The following HSD17B3 variants were observed in gnomAD, a reference collection of about 807,000 sequenced individuals.
HSD17B3 encodes the protein 17-beta-hydroxysteroid dehydrogenase type 3.
In HSD17B3, 29 loss-of-function variants were observed where a neutral mutation model predicts 41.1. The observed-to-expected ratio is 0.71, with a 90% CI of 0.53 to 0.96. The LOEUF is 0.96. HSD17B3 is among the 40% of genes least tolerant of loss of function. The pLI is 0.00. For synonymous variants in HSD17B3, 126 were observed against 145.6 expected (o/e 0.87, Z 0.97); for missense variants, 323 against 374.6 (o/e 0.86, Z 1.14).
At chr9:96,241,401 TA>T (rs1836434049) in intron 9 of HSD17B3, among the ~76,000 whole-genome samples, 2 of 152,350 alleles carry the variant, frequency 1.3e-5, no homozygotes, top group African/African-American at 4.8e-5. Context: ...CTAATACATA[TA>T]ACCAAAGTTG....
intron 2 of HSD17B3, among the ~76,000 whole-genome samples, chr9:96,271,733 T>C (rs1410582335): frequency 1.3e-5 from 2 of 151,886 alleles, no homozygotes; most frequent in African/African-American, 4.8e-5. Flanking sequence ...ATTGGGTTTT[T>C]TGTTGTTGTT....
intron 2 of HSD17B3, among the ~76,000 whole-genome samples, chr9:96,287,704 C>T (rs10990247): frequency 0.48 from 72,686 of 150,710 alleles, 18,274 homozygotes; most frequent in East Asian, 0.66. Context: ...AGCGAGACTC[C>T]GTCTCTAAAT....
At chr9:96,261,277 C>T (rs1012528584) in intron 2 of HSD17B3, among the ~76,000 whole-genome samples, 1 of 152,038 alleles carries the variant, frequency 6.6e-6, no homozygotes, top group African/African-American at 2.4e-5. Context: ...CTCACTGCAA[C>T]CTCAGCCTCC....
intron 2 of HSD17B3, among the ~76,000 whole-genome samples, chr9:96,263,420 T>A (rs1251767927): frequency 6.6e-6 from 1 of 152,002 alleles, no homozygotes; most frequent in Non-Finnish European, 1.5e-5. Context: ...TCTGCAATTT[T>A]AAAATAAGCT....
chr9:96,250,554 CA>C (rs1171108184), intron 5 of HSD17B3: 11 of 852,124 alleles, frequency 1.3e-5, no homozygotes, highest in Non-Finnish European at 1.6e-5. Context: ...CTCCAAAGGT[CA>C]GGGCCTAAGA....
chr9:96,288,194 A>C (rs926941904), intron 2 of HSD17B3, among the ~76,000 whole-genome samples: 1 of 152,244 alleles, frequency 6.6e-6, no homozygotes, highest in Non-Finnish European at 1.5e-5. Flanking sequence ...CCAAAACCGG[A>C]TGGTGGTGAT....
chr9:96,285,849 T>C (rs1826898864), intron 2 of HSD17B3, among the ~76,000 whole-genome samples: 1 of 152,170 alleles, frequency 6.6e-6, no homozygotes. Flanking sequence ...CTCTGCAACC[T>C]TTAGGATTAA....
chr9:96,243,140 C>A (rs369670593), intron 9 of HSD17B3, among the ~76,000 whole-genome samples: 1 of 152,354 alleles, frequency 6.6e-6, no homozygotes, highest in African/African-American at 2.4e-5. Flanking sequence ...CACGTGAATG[C>A]AAAATAGGAC....
intron 2 of HSD17B3, among the ~76,000 whole-genome samples, chr9:96,264,905 C>T (rs553262409): frequency 2.6e-4 from 40 of 152,120 alleles, no homozygotes; most frequent in Non-Finnish European, 4.9e-4. Flanking sequence ...AGACCAGAAT[C>T]GCATACATTC....
In HSD17B3 at chr9:96,254,998, C is replaced by T. The variant is rs1227960415; in HGVS notation, c.202-55G>A. 3.4e-6 allele frequency: 5 copies of T among 1,484,894 alleles called. No individual in the cohort carries two copies. The East Asian group carries it at 1.1e-4, about 34-fold the overall frequency. 92.0% of individuals were successfully genotyped at this position (1,484,894 alleles called of 1,614,324 possible). A position where few individuals can be genotyped will look rare whatever the true frequency, so the allele number is the denominator to read the frequency against. On this transcript the variant is annotated intron_variant, in intron 2 of 10. Coordinates refer to ENST00000375263, the MANE Select transcript of HSD17B3 (RefSeq NM_000197.2). ...AAGGATGATGAGCAGACAGGGAGGG[C>T]TTGTGTTAAGGTGACTTGGTCCTGA...
chr9:96,245,734 A>G lies in HSD17B3; in HGVS notation c.525-308T>C, dbSNP rs541103831. On this transcript the variant is annotated intron_variant, in intron 7 of 10. Coordinates refer to ENST00000375263, the MANE Select transcript of HSD17B3 (RefSeq NM_000197.2). ...ACAACTGAGGTCTCTCCACCAAAAT[A>G]CTGATAACCAGCTCAGCTCAGGATT... Among the ~76,000 whole-genome samples, 28 of 152,220 alleles carry G rather than the reference A, an allele frequency of 1.8e-4. No homozygotes were observed. The South Asian group carries it at 5.8e-3, about 32-fold the overall frequency.
intron 2 of HSD17B3, among the ~76,000 whole-genome samples, chr9:96,288,317 A>G (rs950174599): frequency 6.6e-6 from 1 of 152,222 alleles, no homozygotes; most frequent in Non-Finnish European, 1.5e-5. Context: ...ACTGACCCAC[A>G]TGTATATGAC....
At chr9:96,262,583 T>C (rs1825902993) in intron 2 of HSD17B3, among the ~76,000 whole-genome samples, 1 of 152,144 alleles carries the variant, frequency 6.6e-6, no homozygotes, top group South Asian at 2.1e-4. Flanking sequence ...TTCAAATAAT[T>C]TGAAGTTATA....
At chr9:96,260,985 G>A (rs566699364) in intron 2 of HSD17B3, among the ~76,000 whole-genome samples, 16 of 152,170 alleles carry the variant, frequency 1.1e-4, no homozygotes, top group South Asian at 2.1e-4. Context: ...TTCACTGTGC[G>A]CTCTTATTTT....
chr9:96,299,944 A>G (rs1205471345), intron 1 of HSD17B3, among the ~76,000 whole-genome samples: 1 of 151,978 alleles, frequency 6.6e-6, no homozygotes, highest in Non-Finnish European at 1.5e-5. Flanking sequence ...ATCCATCTTG[A>G]CTCATAAAAA....
intron 2 of HSD17B3, among the ~76,000 whole-genome samples, chr9:96,296,338 C>T (rs1053618501): frequency 2.0e-5 from 3 of 152,186 alleles, no homozygotes; most frequent in Non-Finnish European, 2.9e-5. Context: ...CAATTGTCTG[C>T]AAACCAAGAA....
intron 9 of HSD17B3, among the ~76,000 whole-genome samples, chr9:96,244,054 G>A (rs1836556838): frequency 6.6e-6 from 1 of 152,226 alleles, no homozygotes; most frequent in Admixed American, 6.5e-5. Flanking sequence ...AAGGTCCACA[G>A]CATTTCTGAG....
intron 4 of HSD17B3, among the ~76,000 whole-genome samples, chr9:96,251,935 A>T (rs1196263383): frequency 6.6e-6 from 1 of 152,228 alleles, no homozygotes; most frequent in African/African-American, 2.4e-5. Context: ...ACACTTTCAT[A>T]TGTAAAAATG....
chr9:96,240,760 A>G lies in HSD17B3; in HGVS notation c.820T>C (p.Leu274=), dbSNP rs1429475879. Residue 274 remains leucine (L), a splice_region_variant and synonymous_variant, in exon 10 of 11, where the codon TTG becomes CTG. Transcript: ENST00000375263. ...ETCGCLAHEI[L]AGFLSLIPAW... ...GAAAAGGAGAAGTTATCAATTACCAAGATTTCATGGGCAAGGCAGCCACAG... is the reference window on the plus strand; with the variant it reads ...GAAAAGGAGAAGTTATCAATTACCAGGATTTCATGGGCAAGGCAGCCACAG... 6.2e-7 allele frequency: 1 copy of G among 1,614,206 alleles called. No individual in the cohort carries two copies.
Sources: allele counts gnomAD v4.1 joint callset (sites outside exome capture counted in the v4.1 genomes callset), GRCh38; gene constraint gnomAD v4.1.1; transcripts MANE v1.5; gene names NCBI Gene and HGNC (gene_info 2026-07-23, HGNC 2026-07-21).